PHF2: variants seen among roughly 807,000 people sequenced by gnomAD.
The protein encoded by PHF2 is PHD finger protein 2.
In PHF2, 27 loss-of-function variants were observed where a neutral mutation model predicts 120.5. The observed-to-expected ratio is 0.22, with a 90% CI of 0.17 to 0.31. PHF2 has a LOEUF of 0.31. Ranked by LOEUF, PHF2 falls within the 10% of genes least tolerant of loss-of-function variation. The pLI is 1.00. For missense variants in PHF2, 1,024 were observed against 1,434.8 expected, an observed-to-expected ratio of 0.71 and a Z score of 4.63; for synonymous variants, 568 against 592.5, an observed-to-expected ratio of 0.96 and a Z score of 0.60.
intron 1 of PHF2, among the ~76,000 whole-genome samples, chr9:93,623,620 G>A (rs1414664863): frequency 6.6e-6 from 1 of 152,142 alleles, no homozygotes; most frequent in Non-Finnish European, 1.5e-5. Flanking sequence ...AATGTTCTGA[G>A]TTTCCTTTCC....
intron 20 of PHF2, among the ~76,000 whole-genome samples, chr9:93,676,057 G>T (rs1826905166): frequency 6.6e-6 from 1 of 152,212 alleles, no homozygotes; most frequent in Non-Finnish European, 1.5e-5. Flanking sequence ...CTACTCTCTG[G>T]TACAACAGCA....
In PHF2 at chr9:93,668,889, G is replaced by A. The variant is rs188370473; in HGVS notation, c.2348+1649G>A. Among the ~76,000 whole-genome samples, 609 of 152,340 alleles carry A rather than the reference G, an allele frequency of 4.0e-3. 4 individuals are homozygous for A. The highest frequency in any genetic ancestry group is 6.3e-3 in the Admixed American group (97 of 15,304). ...CCAAAGTCTCCCATTTGGAGCGTAG[G>A]TCAGTTTTTGATGGTCTATTTGCTC... On this transcript the variant is annotated intron_variant, in intron 17 of 21. Transcript: ENST00000359246.
intron 2 of PHF2, among the ~76,000 whole-genome samples, chr9:93,635,868 CAG>C (rs1826081441): frequency 6.6e-6 from 1 of 152,004 alleles, no homozygotes; most frequent in Non-Finnish European, 1.5e-5. Flanking sequence ...TGGCGGTGGT[CAG>C]GGGAGGGCTG....
At chr9:93,584,021 T>C (rs1445380599) in intron 1 of PHF2, among the ~76,000 whole-genome samples, 1 of 151,956 alleles carries the variant, frequency 6.6e-6, no homozygotes, top group Non-Finnish European at 1.5e-5. Context: ...AGAGATGGAG[T>C]TTCTCCATGT....
In PHF2 at chr9:93,674,946, A is replaced by G. The variant is rs567011024; in HGVS notation, c.2646A>G (p.Ser882=). The G allele has an allele frequency of 6.2e-7, 1 of 1,613,870 alleles. No homozygotes were observed. The highest frequency in any genetic ancestry group is 1.3e-5 in the African/African-American group (1 of 75,060). ...CTCTAGTTTACCCCTCACTGGAGTC[A>G]GATGAAGACAACCCCATCTTTAAGT... ...DSDYVYPSLE[S]DEDNPIFKSR... is the part of the protein sequence containing the mutation. Residue 882 remains serine (S), a synonymous_variant, in exon 19 of 22, where the codon TCA becomes TCG. Coordinates refer to ENST00000359246, the MANE Select transcript of PHF2 (RefSeq NM_005392.4).
At chr9:93,594,811 T>G (rs575407832) in intron 1 of PHF2, 1 of 152,420 alleles carries the variant, frequency 6.6e-6, no homozygotes, top group East Asian at 1.9e-4. Context: ...CAGCCTAAGT[T>G]CCAGTCTGAA....
At chr9:93,653,799 G>A (rs1826410347) in intron 6 of PHF2, among the ~76,000 whole-genome samples, 1 of 152,202 alleles carries the variant, frequency 6.6e-6, no homozygotes, top group Non-Finnish European at 1.5e-5. Context: ...GAAGAAAAAT[G>A]AGACGTAAAT....
At chr9:93,586,674 G>A (rs536189796) in intron 1 of PHF2, among the ~76,000 whole-genome samples, 1 of 152,408 alleles carries the variant, frequency 6.6e-6, no homozygotes, top group East Asian at 1.9e-4. Flanking sequence ...TGTGCTAGGA[G>A]TCAAGAGGTT....
intron 1 of PHF2, among the ~76,000 whole-genome samples, chr9:93,583,383 A>G (rs1199073881): frequency 1.3e-5 from 2 of 152,198 alleles, no homozygotes. Context: ...TTGTGTATAA[A>G]TATTTGTTTG....
chr9:93,645,157 C>T (rs1343638196), intron 3 of PHF2, among the ~76,000 whole-genome samples: 1 of 152,236 alleles, frequency 6.6e-6, no homozygotes, highest in African/African-American at 2.4e-5. Context: ...AATATCAGAG[C>T]CATCTTAGTG....
intron 1 of PHF2, among the ~76,000 whole-genome samples, chr9:93,581,003 G>A (rs766877282): frequency 6.6e-6 from 1 of 152,126 alleles, no homozygotes; most frequent in Non-Finnish European, 1.5e-5. Flanking sequence ...CCCAGGGGGT[G>A]GGGAGTGAGG....
chr9:93,618,865 G>A (rs1031188315), intron 1 of PHF2, among the ~76,000 whole-genome samples: 9 of 134,614 alleles, frequency 6.7e-5, no homozygotes, highest in African/African-American at 2.3e-4. Context: ...TGTGGTGTTC[G>A]TGTGTCTCTG....
chr9:93,675,714 G>C lies in PHF2; in HGVS notation c.2757G>C (p.Arg919Ser). ...GCCCATCGGTGCCAAGACAGGACAG[G>C]CCTGTGCGTGAGGGTACACGGGTGG... Reference protein sequence around the residue: ...RVGPSVPRQDRPVREGTRVAS... With the variant: ...RVGPSVPRQDSPVREGTRVAS... The change falls in exon 20 of 22, where the codon AGG (arginine) becomes AGC (serine). Residue 919 changes from arginine to serine, a missense_variant. Coordinates refer to ENST00000359246, the MANE Select transcript of PHF2 (RefSeq NM_005392.4). 1 of 1,613,314 alleles carries C rather than the reference G, an allele frequency of 6.2e-7. No homozygotes were observed. Among genetic ancestry groups the C allele is most frequent in the Non-Finnish European group, 8.5e-7 (1 of 1,179,906 alleles).
intron 17 of PHF2, among the ~76,000 whole-genome samples, chr9:93,671,416 G>A (rs1298752400): frequency 1.7e-5 from 2 of 120,288 alleles, no homozygotes; most frequent in South Asian, 2.6e-4. Context: ...GGGTGTGGAT[G>A]TAGGTACAGG....
chr9:93,665,806 C>G lies in PHF2; in HGVS notation c.2058C>G (p.Leu686=), dbSNP rs1486952682. Residue 686 remains leucine, a synonymous_variant, in exon 15 of 22, where the codon CTC becomes CTG. Coordinates refer to ENST00000359246, the MANE Select transcript of PHF2 (RefSeq NM_005392.4). ...EYEYVSDDGE[L]KIDEFPIRRK... ...AGTACGTGTCGGATGACGGTGAGCT[C>G]AAGATCGACGAGTTTCCCATCAGGA... 6 of 1,606,344 alleles carry G rather than the reference C, an allele frequency of 3.7e-6. No homozygotes were observed. Among genetic ancestry groups the G allele is most frequent in the African/African-American group, 1.3e-5 (1 of 74,598 alleles).
At chr9:93,668,138 A>G (rs370044878) in intron 17 of PHF2, among the ~76,000 whole-genome samples, 1 of 152,218 alleles carries the variant, frequency 6.6e-6, no homozygotes, top group Non-Finnish European at 1.5e-5. Flanking sequence ...TTTACATGCA[A>G]TATTATGTTC....
At chr9:93,582,823 A>G (rs1275249914) in intron 1 of PHF2, among the ~76,000 whole-genome samples, 7 of 152,248 alleles carry the variant, frequency 4.6e-5, no homozygotes, top group Non-Finnish European at 8.8e-5. Context: ...CCTCATCTTA[A>G]TTGCCAGAAT....
At chr9:93,590,009 C>T (rs968917991) in intron 1 of PHF2, among the ~76,000 whole-genome samples, 5 of 152,218 alleles carry the variant, frequency 3.3e-5, no homozygotes, top group African/African-American at 1.2e-4. Flanking sequence ...CGGTGTTGCT[C>T]CCTGGCTATC....
chr9:93,676,725 G>GCCTCCACCACACCA lies in PHF2; in HGVS notation c.2964_2965insCCTCCACCACACCA (p.Ala989ProfsTer103), dbSNP rs776294031. 43 of 441,536 alleles carry GCCTCCACCACACCA rather than the reference G, an allele frequency of 9.7e-5. No homozygotes were observed. In the Admixed American group the frequency reaches 1.1e-3, roughly 11 times the overall value. 27.4% of individuals were successfully genotyped at this position (441,536 alleles called of 1,614,324 possible). ...CCACCACGCCAGCCTCTACCACCCCGGCCTCCACCACCCCGGCCTCCACCA... is the reference window on the plus strand; with the variant it reads ...CCACCACGCCAGCCTCTACCACCCCGCCTCCACCACACCAGCCTCCACCACCCCGGCCTCCACCA... On this transcript the variant is annotated frameshift_variant, in exon 21 of 22. Transcript: ENST00000359246. LOFTEE classifies it high-confidence loss of function.
Sources: allele counts gnomAD v4.1 joint callset (sites outside exome capture counted in the v4.1 genomes callset), GRCh38; gene constraint gnomAD v4.1.1; transcripts MANE v1.5; gene names NCBI Gene and HGNC (gene_info 2026-07-23, HGNC 2026-07-21).